Variants in CHUK observed in about 807,000 individuals in gnomAD.
The protein encoded by CHUK is component of inhibitor of nuclear factor kappa B kinase complex.
In CHUK, 35 loss-of-function variants were observed where a neutral mutation model predicts 104.8. That is an observed-to-expected ratio of 0.33 (90% CI 0.26 to 0.44). The LOEUF is 0.44. Ranked by LOEUF, CHUK falls within the 20% of genes least tolerant of loss-of-function variation. The probability of loss-of-function intolerance (pLI) is 1.00; values close to 1 mark genes in which losing one functional copy is unlikely to be tolerated. For synonymous variants in CHUK, 276 were observed against 291.9 expected (o/e 0.95, Z 0.56); for missense variants, 663 against 902.7 (o/e 0.73, Z 3.40).
intron 14 of CHUK, among the ~76,000 whole-genome samples, chr10:100,201,730 C>T (rs1845467221): frequency 6.6e-6 from 1 of 152,122 alleles, no homozygotes; most frequent in Admixed American, 6.5e-5. Context: ...TGGTGCACCT[C>T]TTGTCCCAGC....
chr10:100,207,140 C>T, intron 11 of CHUK, 90 bp downstream of exon 11: 1 of 751,760 alleles, frequency 1.3e-6, no homozygotes, highest in South Asian at 1.4e-5. Context: ...CAGAACACAA[C>T]ACCAAAAGTC....
At chr10:100,202,860 C>T (rs1351265567) in intron 13 of CHUK, among the ~76,000 whole-genome samples, 1 of 152,054 alleles carries the variant, frequency 6.6e-6, no homozygotes, top group Admixed American at 6.5e-5. Flanking sequence ...ATCTCCAGGG[C>T]TCAAGCGATC....
chr10:100,212,008 G>C (rs1017589826), intron 9 of CHUK, among the ~76,000 whole-genome samples: 1 of 151,974 alleles, frequency 6.6e-6, no homozygotes, highest in Non-Finnish European at 1.5e-5. Flanking sequence ...TCAGCCTACG[G>C]AGTAGCTGGG....
At chr10:100,197,876 A>G (rs1845373209) in intron 16 of CHUK, among the ~76,000 whole-genome samples, 1 of 151,760 alleles carries the variant, frequency 6.6e-6, no homozygotes, top group African/African-American at 2.4e-5. Context: ...AAAACCAAAA[A>G]ACGATATTTT....
Position 100,226,035 on chromosome 10 carries a change from C to T in CHUK, c.106-18G>A, listed in dbSNP as rs368882417. The stretch of plus-strand genomic sequence containing the variant: ...TCAAGTTCCTGCCAAAATAGAAAAT[C>T]AACAGAAAAAAAAAATTAGGTTCTT... On this transcript the variant is annotated intron_variant, in intron 1 of 20. Transcript: ENST00000370397. 2 of 1,451,388 alleles carry T rather than the reference C, an allele frequency of 1.4e-6. No homozygotes were observed. The highest frequency in any genetic ancestry group is 1.9e-6 in the Non-Finnish European group (2 of 1,037,794). 89.9% of individuals were successfully genotyped at this position (1,451,388 alleles called of 1,614,324 possible). A position where few individuals can be genotyped will look rare whatever the true frequency, so the allele number is the denominator to read the frequency against.
At chr10:100,204,731 A>G in intron 12 of CHUK, 74 bp from the exon 13 acceptor site, 1 of 1,270,024 alleles carries the variant, frequency 7.9e-7, no homozygotes, top group Non-Finnish European at 1.1e-6. Flanking sequence ...ACAATAATGT[A>G]AAAACATAAA....
chr10:100,222,302 A>G lies in CHUK; in HGVS notation c.316-121T>C, dbSNP rs11190429. ...ATGAGAAAATAAGTCATAATAAAATACAAGGGAATAAAATTACCAAATCCA... is the reference window on the plus strand; with the variant it reads ...ATGAGAAAATAAGTCATAATAAAATGCAAGGGAATAAAATTACCAAATCCA... On this transcript the variant is annotated intron_variant, in intron 3 of 20. Coordinates refer to ENST00000370397, the MANE Select transcript of CHUK (RefSeq NM_001278.5). 10,490 of 658,906 alleles carry G rather than the reference A, an allele frequency of 0.016. 810 individuals are homozygous for G. The African/African-American group carries it at 0.17, about 10-fold the overall frequency. 40.8% of individuals were successfully genotyped at this position (658,906 alleles called of 1,614,324 possible).
In CHUK at chr10:100,221,839, T is replaced by C. The variant is rs17885440; in HGVS notation, c.385+273A>G. Among the ~76,000 whole-genome samples the C allele has an allele frequency of 8.3e-3, 1,268 of 152,324 alleles. 19 individuals carry two copies. The highest frequency in any genetic ancestry group is 0.029 in the African/African-American group (1,197 of 41,570). On this transcript the variant is annotated intron_variant, in intron 4 of 20. Coordinates refer to ENST00000370397, the MANE Select transcript of CHUK (RefSeq NM_001278.5). Reference sequence around the variant, plus strand: ...TTTTAGTAGAGATGGGGTTTCACTATGTTGGCCAGGCTGGTCTTGAACTCC... The same window carrying C: ...TTTTAGTAGAGATGGGGTTTCACTACGTTGGCCAGGCTGGTCTTGAACTCC...
rs17879106 is a variant in CHUK at position 100,220,309 on chromosome 10, G to A, written c.474+279C>T. Among the ~76,000 whole-genome samples the A allele has an allele frequency of 2.8e-3, 430 of 151,218 alleles. 7 individuals are homozygous for A. The highest frequency in any genetic ancestry group is 9.7e-3 in the African/African-American group (400 of 41,184). Reference sequence around the variant, plus strand: ...GATACTATGATGGAAAAACAGACTTGAACAAGACAGGTGAAGTCTAGGAGC... The same window carrying A: ...GATACTATGATGGAAAAACAGACTTAAACAAGACAGGTGAAGTCTAGGAGC... On this transcript the variant is annotated intron_variant, in intron 5 of 20. Transcript: ENST00000370397.
Position 100,218,000 on chromosome 10 carries a change from A to C in CHUK, c.928T>G (p.Leu310Val). 1.2e-6 allele frequency: 2 copies of C among 1,614,136 alleles called. No individual in the cohort carries two copies. The highest frequency in any genetic ancestry group is 1.7e-6 in the Non-Finnish European group (2 of 1,179,978). Reference sequence around the variant, plus strand: ...GTAGACCCATTAAGACTAACCTTCAAATTCAAAATGTGATCCATTAATACA... The same window carrying C: ...GTAGACCCATTAAGACTAACCTTCACATTCAAAATGTGATCCATTAATACA... Reference protein sequence around the residue: ...CFVLMDHILNLKIVHILNMTS... With the variant: ...CFVLMDHILNVKIVHILNMTS... The change falls in exon 9 of 21, where the codon TTG (leucine) becomes GTG (valine). Residue 310 changes from leucine (L) to valine (V), a missense_variant. Leu to Val is a conservative substitution (Grantham distance 32). Transcript: ENST00000370397.
chr10:100,226,382 T>A (rs191573890), intron 1 of CHUK, among the ~76,000 whole-genome samples: 209 of 152,252 alleles, frequency 1.4e-3, no homozygotes, highest in African/African-American at 4.9e-3. Context: ...GCTTCTAGCA[T>A]AACTAAAATG....
At chr10:100,205,432 A>T (rs978429285) in intron 11 of CHUK, among the ~76,000 whole-genome samples, 1 of 152,170 alleles carries the variant, frequency 6.6e-6, no homozygotes. Context: ...AATAAAAATG[A>T]CACAATCGCT....
At chr10:100,223,038 G>T (rs765040930) in intron 2 of CHUK, 58 bp from the exon 3 acceptor site, 5 of 832,930 alleles carry the variant, frequency 6.0e-6, no homozygotes, top group South Asian at 1.4e-5. Flanking sequence ...AAAGGGACTG[G>T]ATTTGAAATG....
At chr10:100,223,752 TTA>T (rs1346850818) in intron 2 of CHUK, among the ~76,000 whole-genome samples, 2 of 152,212 alleles carry the variant, frequency 1.3e-5, no homozygotes, top group African/African-American at 4.8e-5. Context: ...AGCACAGATA[TTA>T]GAGTCAGAAA....
intron 13 of CHUK, among the ~76,000 whole-genome samples, chr10:100,203,637 T>A (rs1845521315): frequency 6.6e-6 from 1 of 152,144 alleles, no homozygotes; most frequent in African/African-American, 2.4e-5. Flanking sequence ...GCTGGTAGTA[T>A]GACTCCTTCA....
At chr10:100,195,981 C>G (rs1369890597) in intron 16 of CHUK, 1 of 152,210 alleles carries the variant, frequency 6.6e-6, no homozygotes, top group Non-Finnish European at 1.5e-5. Context: ...CTCTGTCACC[C>G]AGGCTAGAGT....
In CHUK at chr10:100,209,686, C is replaced by A; in HGVS notation, c.1037G>T (p.Gly346Val). Residue 346 changes from glycine (G) to valine (V), a missense_variant, in exon 10 of 21, where the codon GGA becomes GTA. Physicochemically the swap from Gly to Val is moderately radical, Grantham distance 109 (BLOSUM62 -3). Transcript: ENST00000370397. ...SLQSRIERET[G>V]INTGSQELLS... Reference sequence around the variant, plus strand: ...AAGTTCTTGAGAACCAGTATTTATTCCAGTTTCACGCTCAATACGAGACTG... The same window carrying A: ...AAGTTCTTGAGAACCAGTATTTATTACAGTTTCACGCTCAATACGAGACTG... 1 of 1,595,668 alleles carries A rather than the reference C, an allele frequency of 6.3e-7. No homozygotes were observed. Among genetic ancestry groups the A allele is most frequent in the Non-Finnish European group, 8.6e-7 (1 of 1,163,272 alleles).
chr10:100,199,872 A>G, intron 16 of CHUK, 99 bp downstream of exon 16: 1 of 888,546 alleles, frequency 1.1e-6, no homozygotes. Flanking sequence ...CTGCAGCTTT[A>G]AGAAAATTTT....
Position 100,200,780 on chromosome 10 carries a change from C to A in CHUK, c.1570G>T (p.Val524Phe). 6.6e-7 allele frequency: 1 copy of A among 1,519,530 alleles called. No homozygotes were observed. The highest frequency in any genetic ancestry group is 1.7e-5 in the Admixed American group (1 of 59,856). The allele number at this position is 1,519,530 out of a possible 1,614,324, so 94.1% of individuals were successfully genotyped here. ...MEEKAIHYAE[V>F]GVIGYLEDQI... ...TCCTCCAGGTATCCAATGACACCAACCTAAAATATGATGAAAATACAAAGG... is the reference window on the plus strand; with the variant it reads ...TCCTCCAGGTATCCAATGACACCAAACTAAAATATGATGAAAATACAAAGG... The change falls in exon 15 of 21, where the codon GTT (valine) becomes TTT (phenylalanine). Residue 524 changes from valine to phenylalanine, a missense_variant and splice_region_variant. Around this residue, in one of 5 missense-constraint regions of CHUK, gnomAD observed 311 missense variants for 393.4 expected, o/e 0.79. Coordinates refer to ENST00000370397, the MANE Select transcript of CHUK (RefSeq NM_001278.5).
Sources: allele counts gnomAD v4.1 joint callset (sites outside exome capture counted in the v4.1 genomes callset), GRCh38; gene constraint gnomAD v4.1.1; regional missense constraint gnomAD v4.1.1; transcripts MANE v1.5; gene names NCBI Gene and HGNC (gene_info 2026-07-23, HGNC 2026-07-21).